Variants in JAK1 observed in about 807,000 individuals in gnomAD.
JAK1 encodes tyrosine-protein kinase JAK1.
Under a neutral mutation model 136.6 loss-of-function variants are expected in JAK1, and 16 were observed. That is an observed-to-expected ratio of 0.12 (90% CI 0.08 to 0.18). The LOEUF (loss-of-function observed/expected upper bound fraction) is 0.18. Among genes scored for constraint, JAK1 ranks in the 10% least tolerant of loss-of-function variants. The pLI, the probability that JAK1 is intolerant of heterozygous loss-of-function variation, is 1.00. For missense variants in JAK1, 859 were observed against 1,450.1 expected (o/e 0.59, Z 6.62); for synonymous variants, 492 against 519.5 (o/e 0.95, Z 0.72).
chr1:64,897,663 G>A (rs1645044232), intron 1 of JAK1, among the ~76,000 whole-genome samples: 1 of 151,420 alleles, frequency 6.6e-6, no homozygotes. Context: ...GAGGTAAGGA[G>A]GAAAACTGGG....
chr1:64,875,136 A>G (rs1354400056), intron 4 of JAK1, among the ~76,000 whole-genome samples: 1 of 152,214 alleles, frequency 6.6e-6, no homozygotes, highest in Non-Finnish European at 1.5e-5. Context: ...CTTAAAGGAT[A>G]AGTTGTCCTT....
At position 64,834,527 on chromosome 1, in the gene JAK1, G is replaced by T. The variant is rs372568722; in HGVS notation, c.*35C>A. The T allele has an allele frequency of 2.2e-6, 3 of 1,367,258 alleles. No individual in the cohort carries two copies. The highest frequency in any genetic ancestry group is 2.4e-5 in the South Asian group (2 of 83,758). 84.7% of individuals were successfully genotyped at this position (1,367,258 alleles called of 1,614,324 possible). A position where few individuals can be genotyped will look rare whatever the true frequency, so the allele number is the denominator to read the frequency against. On this transcript the variant is annotated 3_prime_UTR_variant, in exon 25 of 25. Transcript: ENST00000342505. ...GGCATTTGTTGCAGGAGAAGGACTTGATAATCTGTGGAATTTAAATGTTAT... is the reference window on the plus strand; with the variant it reads ...GGCATTTGTTGCAGGAGAAGGACTTTATAATCTGTGGAATTTAAATGTTAT...
chr1:64,834,673 A>AGTT lies in JAK1; in HGVS notation c.3370-17_3370-16insAAC. ...GTTGATAAACCTGTAAAAAGAAAGA[A>AGTT]GTAACAACAGTAAAAATGTTAGATC... is the stretch of plus-strand genomic sequence containing the variant. On this transcript the variant is annotated splice_polypyrimidine_tract_variant and intron_variant, in intron 24 of 24. Transcript: ENST00000342505. The AGTT allele has an allele frequency of 6.8e-7, 1 of 1,469,392 alleles. No homozygotes were observed. Among genetic ancestry groups the AGTT allele is most frequent in the Non-Finnish European group, 9.5e-7 (1 of 1,052,946 alleles). 91.0% of individuals were successfully genotyped at this position (1,469,392 alleles called of 1,614,324 possible).
In JAK1 at chr1:64,886,299, C is replaced by A. The variant is rs771679472; in HGVS notation, c.-35G>T. The A allele has an allele frequency of 6.3e-7, 1 of 1,592,086 alleles. No homozygotes were observed. Among genetic ancestry groups the A allele is most frequent in the East Asian group, 2.3e-5 (1 of 43,870 alleles). Reference sequence around the variant, plus strand: ...TGTCCAGTGTTCTCCAAGAAGCAAACTGGATTTTCTTCTCTACTTTCCAAA... The same window carrying A: ...TGTCCAGTGTTCTCCAAGAAGCAAAATGGATTTTCTTCTCTACTTTCCAAA... On this transcript the variant is annotated 5_prime_UTR_variant, in exon 2 of 25. Transcript: ENST00000342505.
intron 1 of JAK1, among the ~76,000 whole-genome samples, chr1:65,051,802 G>A (rs75829982): frequency 0.016 from 2,463 of 152,218 alleles, 57 homozygotes; most frequent in African/African-American, 0.057. Flanking sequence ...ATAAAATACA[G>A]TAATAGTCTA....
intron 5 of JAK1, among the ~76,000 whole-genome samples, chr1:64,870,663 C>T (rs2101139909): frequency 6.6e-6 from 1 of 152,188 alleles, no homozygotes; most frequent in Non-Finnish European, 1.5e-5. Flanking sequence ...CAGCTTGGAG[C>T]AGGGCAGGCA....
intron 1 of JAK1, among the ~76,000 whole-genome samples, chr1:65,061,007 T>A (rs562703667): frequency 4.6e-5 from 7 of 152,142 alleles, no homozygotes; most frequent in African/African-American, 1.2e-4. Context: ...TTAAACTACT[T>A]CTTCTATGTT....
At chr1:64,896,914 G>A (rs886824382) in intron 1 of JAK1, among the ~76,000 whole-genome samples, 1 of 152,136 alleles carries the variant, frequency 6.6e-6, no homozygotes, top group Non-Finnish European at 1.5e-5. Context: ...AACTTTCTAT[G>A]ACTGTTTTCT....
At chr1:65,002,199 A>T (rs1222948476) in intron 2 of JAK1, 1 of 152,228 alleles carries the variant, frequency 6.6e-6, no homozygotes, top group Non-Finnish European at 1.5e-5. Context: ...ATATATGCAC[A>T]TATATGGGTG....
At chr1:64,903,067 C>T (rs1645136671) in intron 1 of JAK1, among the ~76,000 whole-genome samples, 1 of 152,174 alleles carries the variant, frequency 6.6e-6, no homozygotes, top group South Asian at 2.1e-4. Context: ...GCTCTTGTCA[C>T]CCAGGCTGGA....
intron 1 of JAK1, among the ~76,000 whole-genome samples, chr1:64,918,199 T>C (rs1257048420): frequency 1.3e-5 from 2 of 152,230 alleles, no homozygotes; most frequent in Non-Finnish European, 2.9e-5. Flanking sequence ...TTCTCTTTCT[T>C]AACCTGAATG....
intron 1 of JAK1, among the ~76,000 whole-genome samples, chr1:65,066,169 G>C (rs1648031573): frequency 6.6e-6 from 1 of 152,130 alleles, no homozygotes; most frequent in African/African-American, 2.4e-5. Context: ...TCTCCAGGAA[G>C]GTGGCAGCTG....
At chr1:64,913,518 C>G (rs546171260) in intron 1 of JAK1, among the ~76,000 whole-genome samples, 2 of 151,386 alleles carry the variant, frequency 1.3e-5, no homozygotes, top group Middle Eastern at 6.8e-3. Context: ...GAACCAGACA[C>G]TAATAGAACT....
rs547931779 is a variant in JAK1, at chr1:64,959,697, A to C, written c.-78+6636T>G. ...CCTTTGTTAGTCATTTTTCCTTAAA[A>C]ATAAGAGTAAAACCTAATTTACCTA... On this transcript the variant is annotated intron_variant, in intron 1 of 24. Transcript: ENST00000342505. 5.9e-5 allele frequency among the ~76,000 whole-genome samples: 9 copies of C among 152,362 alleles called. No homozygotes were observed. In the South Asian group the frequency reaches 1.9e-3, roughly 32 times the overall value.
intron 20 of JAK1, 76 bp from the exon 21 acceptor site, chr1:64,838,665 G>A (rs1481713553): frequency 6.7e-7 from 1 of 1,502,146 alleles, no homozygotes; most frequent in Non-Finnish European, 9.1e-7. Flanking sequence ...CACAGGATAT[G>A]AGACAGAGGC....
intron 2 of JAK1, among the ~76,000 whole-genome samples, chr1:65,000,355 C>T (rs1646743878): frequency 6.6e-6 from 1 of 151,934 alleles, no homozygotes; most frequent in Non-Finnish European, 1.5e-5. Flanking sequence ...GGTATAGTTA[C>T]AGCCTGGCAA....
At chr1:64,960,753 C>T (rs1265977833) in intron 1 of JAK1, among the ~76,000 whole-genome samples, 1 of 152,168 alleles carries the variant, frequency 6.6e-6, no homozygotes, top group Non-Finnish European at 1.5e-5. Context: ...GTCCTCAGAC[C>T]TTCTTACATA....
intron 8 of JAK1, among the ~76,000 whole-genome samples, chr1:64,861,494 G>A (rs1019178827): frequency 6.6e-6 from 1 of 152,146 alleles, no homozygotes; most frequent in Non-Finnish European, 1.5e-5. Flanking sequence ...GAACTATCAG[G>A]TCAATCAAGA....
chr1:64,852,442 A>G (rs142091454), intron 11 of JAK1, among the ~76,000 whole-genome samples: 7 of 152,342 alleles, frequency 4.6e-5, no homozygotes, highest in Non-Finnish European at 1.0e-4. Context: ...CTCTTTTTCC[A>G]GAGGCTGCTC....
Sources: allele counts gnomAD v4.1 joint callset (sites outside exome capture counted in the v4.1 genomes callset), GRCh38; gene constraint gnomAD v4.1.1; transcripts MANE v1.5; gene names NCBI Gene and HGNC (gene_info 2026-07-23, HGNC 2026-07-21).